CCNJL: variants seen among roughly 807,000 people sequenced by gnomAD.
CCNJL encodes cyclin-J-like protein.
In CCNJL, 33 loss-of-function variants were observed where a neutral mutation model predicts 33.4. The ratio of observed to expected loss-of-function variants is 0.99; its 90% CI spans 0.75 to 1.32. The LOEUF (loss-of-function observed/expected upper bound fraction) is 1.32. Among genes scored for constraint, CCNJL ranks in the 40% most tolerant of loss-of-function variants. CCNJL has a pLI of 0.00. For synonymous variants in CCNJL, 227 were observed against 220.9 expected (o/e 1.03, Z -0.24); for missense variants, 512 against 499.7 (o/e 1.02, Z -0.23).
chr5:160,314,629 T>C (rs1318544149), upstream of CCNJL, among the ~76,000 whole-genome samples: 1 of 152,242 alleles, frequency 6.6e-6, no homozygotes, highest in Non-Finnish European at 1.5e-5. Context: ...TCAATTATCA[T>C]TGCCAAAAAG....
intron 2 of CCNJL, among the ~76,000 whole-genome samples, chr5:160,304,432 C>T (rs1336388998): frequency 6.6e-6 from 1 of 152,182 alleles, no homozygotes; most frequent in Non-Finnish European, 1.5e-5. Flanking sequence ...GGTTAGACTG[C>T]AGGAAATTTC....
chr5:160,279,570 A>G (rs909370520), intron 3 of CCNJL, among the ~76,000 whole-genome samples: 3 of 152,182 alleles, frequency 2.0e-5, no homozygotes, highest in Admixed American at 6.5e-5. Flanking sequence ...GAGGGTCTGC[A>G]TACTTGGGAG....
intron 2 of CCNJL, among the ~76,000 whole-genome samples, chr5:160,306,777 A>G (rs985484850): frequency 7.9e-5 from 12 of 152,358 alleles, no homozygotes; most frequent in Admixed American, 2.6e-4. Context: ...AAATTCAGGA[A>G]GAAAAACAGG....
chr5:160,279,564 G>T (rs1423584884), intron 3 of CCNJL, among the ~76,000 whole-genome samples: 1 of 152,324 alleles, frequency 6.6e-6, no homozygotes, highest in East Asian at 1.9e-4. Flanking sequence ...GACGCTGAGG[G>T]TCTGCATACT....
chr5:160,332,606 A>G (rs1234801721), intron 1 of CCNJL, among the ~76,000 whole-genome samples: 1 of 151,992 alleles, frequency 6.6e-6, no homozygotes, highest in African/African-American at 2.4e-5. Context: ...TTGTCCTCAG[A>G]CATTCTGGGC....
rs1373866808 is a variant in CCNJL, at chr5:160,249,599, C to CA, written c.*3778dup. On this transcript the variant is annotated 3_prime_UTR_variant, in exon 6 of 6. Coordinates refer to ENST00000257536, the MANE Select transcript of CCNJL (RefSeq NM_001308173.3). ...ACAACATGGTGAAACCTCATCTCTACAAAAAATACCAAAATTAGCTGGGTA... is the reference window on the plus strand; with the variant it reads ...ACAACATGGTGAAACCTCATCTCTACAAAAAAATACCAAAATTAGCTGGGTA... 8 of 151,918 alleles carry CA rather than the reference C, an allele frequency of 5.3e-5. No homozygotes were observed. The highest frequency in any genetic ancestry group is 1.3e-4 in the Admixed American group (2 of 15,250). The allele number at this position is 151,918 out of a possible 1,614,324, so 9.4% of individuals were successfully genotyped here.
At chr5:160,324,602 CA>C (rs1561813867) in intron 1 of CCNJL, among the ~76,000 whole-genome samples, 2 of 139,490 alleles carry the variant, frequency 1.4e-5, no homozygotes, top group Admixed American at 1.4e-4. Context: ...AGCAAAAACA[CA>C]AAAACACACA....
chr5:160,297,536 T>G (rs1361085059), intron 2 of CCNJL, among the ~76,000 whole-genome samples: 1 of 151,406 alleles, frequency 6.6e-6, no homozygotes, highest in Non-Finnish European at 1.5e-5. Context: ...TAACCATGGC[T>G]GGGTGCAGTG....
chr5:160,277,733 C>T (rs908703470), intron 3 of CCNJL, among the ~76,000 whole-genome samples: 3 of 149,380 alleles, frequency 2.0e-5, no homozygotes, highest in Non-Finnish European at 4.4e-5. Context: ...ATCTCTGCTT[C>T]CTGTCTATCT....
At chr5:160,320,841 CT>C (rs1491118244) in intron 1 of CCNJL, among the ~76,000 whole-genome samples, 5 of 99,792 alleles carry the variant, frequency 5.0e-5, no homozygotes, top group Admixed American at 1.0e-4. Flanking sequence ...TTCTTTCTTT[CT>C]TTCTTTCCTT....
chr5:160,309,022 G>A (rs79101558), intron 2 of CCNJL, among the ~76,000 whole-genome samples: 2,380 of 152,330 alleles, frequency 0.016, 40 homozygotes, highest in Admixed American at 0.053. Flanking sequence ...TGGCATGGAG[G>A]GTAGGGAAGG....
At chr5:160,302,134 T>C (rs1762944550) in intron 2 of CCNJL, among the ~76,000 whole-genome samples, 1 of 152,238 alleles carries the variant, frequency 6.6e-6, no homozygotes, top group South Asian at 2.1e-4. Flanking sequence ...TTGTACTGTA[T>C]ATAAATTATA....
At chr5:160,289,905 T>A (rs1164295264) in intron 2 of CCNJL, among the ~76,000 whole-genome samples, 1 of 152,108 alleles carries the variant, frequency 6.6e-6, no homozygotes, top group Non-Finnish European at 1.5e-5. Context: ...TGAAATGCAG[T>A]CACTCAAGAC....
intron 3 of CCNJL, chr5:160,276,231 C>T (rs2113330067): frequency 6.8e-6 from 1 of 148,072 alleles, no homozygotes; most frequent in Middle Eastern, 1.2e-3. Flanking sequence ...CTTGCCTCTA[C>T]TAAGGATACA....
chr5:160,320,041 C>T (rs1252880036), intron 1 of CCNJL, among the ~76,000 whole-genome samples: 1 of 152,194 alleles, frequency 6.6e-6, no homozygotes, highest in African/African-American at 2.4e-5. Context: ...AGTTACTGTC[C>T]TCATTTTTCA....
rs186690151 is a variant in CCNJL at position 160,256,400 on chromosome 5, G to C, written c.584-692C>G. Among the ~76,000 whole-genome samples, 3 of 152,244 alleles carry C rather than the reference G, an allele frequency of 2.0e-5. No individual in the cohort carries two copies. In the East Asian group the frequency reaches 5.8e-4, roughly 29 times the overall value. On this transcript the variant is annotated intron_variant, in intron 4 of 5. Transcript: ENST00000257536. ...CTACTTATTAATTGTAACAATGCCT[G>C]GCCCATAGTAGGCACTCAGTGAAAA...
At chr5:160,263,017 G>C (rs1423105357) in intron 3 of CCNJL, among the ~76,000 whole-genome samples, 1 of 152,334 alleles carries the variant, frequency 6.6e-6, no homozygotes, top group African/African-American at 2.4e-5. Context: ...AATAGCCATG[G>C]AATCTCTGAC....
At chr5:160,323,167 G>A (rs1327329252) in intron 1 of CCNJL, among the ~76,000 whole-genome samples, 4 of 151,598 alleles carry the variant, frequency 2.6e-5, no homozygotes, top group Admixed American at 6.6e-5. Context: ...CCCGGGAGGC[G>A]GAGGTTGCAG....
upstream of CCNJL, chr5:160,315,540 G>T: frequency 9.6e-6 from 2 of 207,990 alleles, no homozygotes; most frequent in Non-Finnish European, 2.4e-5. Context: ...GAAAGAATAA[G>T]CTGTCTTTAA....
Sources: allele counts gnomAD v4.1 joint callset (sites outside exome capture counted in the v4.1 genomes callset), GRCh38; gene constraint gnomAD v4.1.1; transcripts MANE v1.5; gene names NCBI Gene and HGNC (gene_info 2026-07-23, HGNC 2026-07-21).